The following FARS2 variants were observed in gnomAD, a reference collection of about 807,000 sequenced individuals.
The protein encoded by FARS2 is phenylalanine--tRNA ligase, mitochondrial.
FARS2 carries 40 observed loss-of-function variants against 46.4 expected under a neutral mutation model. The observed-to-expected ratio is 0.86, with a 90% CI of 0.67 to 1.12. FARS2 has a LOEUF of 1.12. Among genes scored for constraint, FARS2 ranks in the 50% most tolerant of loss-of-function variants. The pLI, the probability that FARS2 is intolerant of heterozygous loss-of-function variation, is 0.00. For missense variants in FARS2, 513 were observed against 567.9 expected, an observed-to-expected ratio of 0.90 and a Z score of 0.98; for synonymous variants, 234 against 214.9, an observed-to-expected ratio of 1.09 and a Z score of -0.78.
At chr6:5,653,784 A>T (rs924547631) in intron 6 of FARS2, among the ~76,000 whole-genome samples, 6 of 152,180 alleles carry the variant, frequency 3.9e-5, no homozygotes, top group Non-Finnish European at 7.4e-5. Flanking sequence ...GACCCTGGGG[A>T]TGCACCAAAG....
chr6:5,632,384 C>CT lies in FARS2; in HGVS notation c.1217+19070dup, dbSNP rs547213970. Among the ~76,000 whole-genome samples, 35 of 151,994 alleles carry CT rather than the reference C, an allele frequency of 2.3e-4. 1 individual carries two copies. The South Asian group carries it at 7.1e-3, about 31-fold the overall frequency. On this transcript the variant is annotated intron_variant, in intron 6 of 6. Transcript: ENST00000274680. ...TTTGTGGTGAGATGGGAAGAGTGTTCTTTTTTCTTTTTTTTTAAATGAGAT... is the reference window on the plus strand; with the variant it reads ...TTTGTGGTGAGATGGGAAGAGTGTTCTTTTTTTCTTTTTTTTTAAATGAGAT...
At chr6:5,623,515 C>T (rs985996864) in intron 6 of FARS2, among the ~76,000 whole-genome samples, 6 of 152,078 alleles carry the variant, frequency 3.9e-5, no homozygotes, top group African/African-American at 9.7e-5. Flanking sequence ...AGTTTGAGAC[C>T]AGCCTGACCA....
chr6:5,574,969 C>T (rs533177573), intron 5 of FARS2, among the ~76,000 whole-genome samples: 11 of 151,976 alleles, frequency 7.2e-5, no homozygotes, highest in Non-Finnish European at 1.2e-4. Context: ...AAAAAAAAAT[C>T]CACATATAAG....
At chr6:5,737,715 T>A (rs902317141) in intron 6 of FARS2, among the ~76,000 whole-genome samples, 2 of 152,082 alleles carry the variant, frequency 1.3e-5, no homozygotes, top group African/African-American at 4.8e-5. Flanking sequence ...CTGGATGAGG[T>A]TCCCTGAGGG....
intron 6 of FARS2, among the ~76,000 whole-genome samples, chr6:5,667,655 A>G (rs1778213763): frequency 1.3e-5 from 2 of 152,226 alleles, no homozygotes; most frequent in Non-Finnish European, 1.5e-5. Flanking sequence ...AGTACCAAAC[A>G]TGGAGCCATC....
chr6:5,463,886 C>A (rs1303519418), intron 4 of FARS2, among the ~76,000 whole-genome samples: 1 of 152,120 alleles, frequency 6.6e-6, no homozygotes, highest in Non-Finnish European at 1.5e-5. Flanking sequence ...CCAGTAATAG[C>A]CAGCTGGGAA....
At chr6:5,610,148 GA>G in intron 5 of FARS2, 1 of 1,083,880 alleles carries the variant, frequency 9.2e-7, no homozygotes, top group Non-Finnish European at 1.4e-6. Context: ...ACCCTCCAAT[GA>G]AGAGCTTCCT....
intron 5 of FARS2, among the ~76,000 whole-genome samples, chr6:5,603,101 T>C (rs1774633135): frequency 6.6e-6 from 1 of 152,078 alleles, no homozygotes; most frequent in East Asian, 1.9e-4. Context: ...TGTTTTTTAT[T>C]GTGTTATTTT....
In FARS2 at chr6:5,738,085, G is replaced by A. The variant is rs139519928; in HGVS notation, c.1218-33206G>A. Among the ~76,000 whole-genome samples the A allele has an allele frequency of 5.6e-4, 85 of 152,170 alleles. No homozygotes were observed. The Middle Eastern group carries it at 0.014, about 24-fold the overall frequency. ...CCCACTTCAGCCTTCTGAGTACTTG[G>A]GACTACAGATGCACACCACCACGCC... On this transcript the variant is annotated intron_variant, in intron 6 of 6. Transcript: ENST00000274680.
At chr6:5,598,472 T>C (rs1482984439) in intron 5 of FARS2, among the ~76,000 whole-genome samples, 1 of 152,238 alleles carries the variant, frequency 6.6e-6, no homozygotes, top group Non-Finnish European at 1.5e-5. Context: ...TCTCCATTTC[T>C]ACCCTGTAAT....
intron 4 of FARS2, among the ~76,000 whole-genome samples, chr6:5,456,044 C>T (rs1192959425): frequency 1.3e-5 from 2 of 152,032 alleles, no homozygotes; most frequent in Admixed American, 6.5e-5. Context: ...TGGTGAAACC[C>T]TGTCTCTCCA....
In FARS2 at chr6:5,721,717, A is replaced by G. The variant is rs58180474; in HGVS notation, c.1218-49574A>G. Among the ~76,000 whole-genome samples, 914 of 152,260 alleles carry G rather than the reference A, an allele frequency of 6.0e-3. 4 individuals carry two copies. The highest frequency in any genetic ancestry group is 0.02 in the African/African-American group (848 of 41,526). On this transcript the variant is annotated intron_variant, in intron 6 of 6. Transcript: ENST00000274680. ...GGAGACACATTTTCCAACGTTGACA[A>G]TTTTCCAAATTTGCTTGAATTTTAT...
chr6:5,315,745 T>TCTTTCTTTCTTTCTTTCTTCCTTC (rs1414591456), intron 1 of FARS2, among the ~76,000 whole-genome samples: 1 of 150,208 alleles, frequency 6.7e-6, no homozygotes, highest in African/African-American at 2.5e-5. Flanking sequence ...TTTTTTCCTT[T>TCTTTCTTTCTTTCTTTCTTCCTTC]CTTTCTTTCT....
At chr6:5,313,339 T>A (rs1769224169) in intron 1 of FARS2, among the ~76,000 whole-genome samples, 1 of 152,148 alleles carries the variant, frequency 6.6e-6, no homozygotes. Flanking sequence ...GACTTCTGAT[T>A]TACTGCTGGC....
rs992764428 is a variant in FARS2 at position 5,504,966 on chromosome 6, C to T, written c.905-40214C>T. The stretch of plus-strand genomic sequence containing the variant: ...CACAGATGCAAGCCATCACACCTGG[C>T]TTGGACGTTTTTTAAAGAAAGATTT... On this transcript the variant is annotated intron_variant, in intron 4 of 6. Transcript: ENST00000274680. Among the ~76,000 whole-genome samples, 3 of 152,194 alleles carry T rather than the reference C, an allele frequency of 2.0e-5. No homozygotes were observed. In the South Asian group the frequency reaches 6.2e-4, roughly 32 times the overall value.
At chr6:5,503,783 C>G (rs1767946089) in intron 4 of FARS2, among the ~76,000 whole-genome samples, 2 of 152,074 alleles carry the variant, frequency 1.3e-5, no homozygotes, top group South Asian at 4.1e-4. Context: ...AATACAAAAA[C>G]ACACCTCACT....
chr6:5,639,467 C>G (rs1199445811), intron 6 of FARS2, among the ~76,000 whole-genome samples: 1 of 152,202 alleles, frequency 6.6e-6, no homozygotes, highest in Non-Finnish European at 1.5e-5. Context: ...GGAATCATGA[C>G]AGATATCTTC....
chr6:5,601,946 C>T (rs1774544835), intron 5 of FARS2, among the ~76,000 whole-genome samples: 1 of 152,150 alleles, frequency 6.6e-6, no homozygotes, highest in African/African-American at 2.4e-5. Context: ...TCAAAGTCAC[C>T]TTGACAATGC....
At position 5,436,782 on chromosome 6, in the gene FARS2, G is replaced by A. The variant is rs537087524; in HGVS notation, c.904+5610G>A. On this transcript the variant is annotated intron_variant, in intron 4 of 6. Transcript: ENST00000274680. Reference sequence around the variant, plus strand: ...TAGAGCATCAGAGTCTGGAGGTCTGGGATGGAGATCAAGATATGCATATTA... The same window carrying A: ...TAGAGCATCAGAGTCTGGAGGTCTGAGATGGAGATCAAGATATGCATATTA... Among the ~76,000 whole-genome samples the A allele has an allele frequency of 3.9e-5, 6 of 152,190 alleles. No individual in the cohort carries two copies. The East Asian group carries it at 1.2e-3, about 29-fold the overall frequency.
Sources: allele counts gnomAD v4.1 joint callset (sites outside exome capture counted in the v4.1 genomes callset), GRCh38; gene constraint gnomAD v4.1.1; transcripts MANE v1.5; gene names NCBI Gene and HGNC (gene_info 2026-07-23, HGNC 2026-07-21).